CPSF2: variants seen among roughly 807,000 people sequenced by gnomAD.
CPSF2 encodes the protein cleavage and polyadenylation specific factor 2.
CPSF2 carries 51 observed loss-of-function variants against 84.2 expected under a neutral mutation model. That is an observed-to-expected ratio of 0.61 (90% CI 0.48 to 0.77). The LOEUF is 0.77. Ranked by LOEUF, CPSF2 falls within the 30% of genes least tolerant of loss-of-function variation. The pLI is 0.00. For missense variants in CPSF2, 641 were observed against 929.4 expected (o/e 0.69, Z 4.03); for synonymous variants, 286 against 311.9 (o/e 0.92, Z 0.87).
intron 1 of CPSF2, among the ~76,000 whole-genome samples, chr14:92,122,763 T>C (rs7155717): frequency 0.4 from 61,130 of 152,104 alleles, 13,157 homozygotes; most frequent in East Asian, 0.84. Context: ...CAAGTCTGGC[T>C]TCCTGTGACC....
At position 92,156,478 on chromosome 14, in the gene CPSF2, G is replaced by T; in HGVS notation, c.1443-1G>T. On this transcript the variant is annotated splice_acceptor_variant, in intron 11 of 15. Transcript: ENST00000298875. LOFTEE classifies it high-confidence loss of function. The stretch of plus-strand genomic sequence containing the variant: ...CTTCTAATTAGAGACTTATTATTTA[G>T]ACCAGAGGATTTCTTAGTGCCAGAG... 1.9e-6 allele frequency: 3 copies of T among 1,609,622 alleles called. No individual in the cohort carries two copies. In the South Asian group the frequency reaches 3.3e-5, roughly 18 times the overall value.
At chr14:92,131,915 A>G (rs35538169) in intron 3 of CPSF2, among the ~76,000 whole-genome samples, 30,290 of 151,964 alleles carry the variant, frequency 0.2, 3,390 homozygotes, top group East Asian at 0.53. Context: ...GAGGACTTAA[A>G]TATTTAAAAA....
chr14:92,122,631 C>T (rs897672771), intron 1 of CPSF2, among the ~76,000 whole-genome samples: 5 of 152,144 alleles, frequency 3.3e-5, no homozygotes, highest in African/African-American at 1.2e-4. Flanking sequence ...GGTCTTGGGC[C>T]TTCGCGCCCT....
chr14:92,151,264 A>G (rs766393640), intron 9 of CPSF2, among the ~76,000 whole-genome samples: 5 of 152,002 alleles, frequency 3.3e-5, no homozygotes, highest in Admixed American at 6.6e-5. Context: ...GGTGGTGCAC[A>G]TCTGTGGTCG....
At chr14:92,126,473 C>T (rs968541869) in intron 2 of CPSF2, among the ~76,000 whole-genome samples, 6 of 152,252 alleles carry the variant, frequency 3.9e-5, no homozygotes, top group Non-Finnish European at 7.4e-5. Context: ...TATTTATAAA[C>T]GTTTTTCATC....
chr14:92,141,402 ACT>A (rs950398350), intron 7 of CPSF2, among the ~76,000 whole-genome samples: 3 of 151,300 alleles, frequency 2.0e-5, no homozygotes, highest in African/African-American at 4.9e-5. Context: ...CACAATCACG[ACT>A]CTCTGCAGCC....
chr14:92,147,615 CTG>C (rs1305938510), intron 9 of CPSF2, among the ~76,000 whole-genome samples: 1 of 152,100 alleles, frequency 6.6e-6, no homozygotes, highest in Non-Finnish European at 1.5e-5. Context: ...AGGTTGCTAA[CTG>C]TTTTTAAAAA....
intron 7 of CPSF2, among the ~76,000 whole-genome samples, chr14:92,141,915 C>A (rs1437584262): frequency 1.3e-5 from 2 of 152,020 alleles, no homozygotes; most frequent in South Asian, 4.1e-4. Context: ...GTGTTGAGGA[C>A]TACTGATTTA....
intron 11 of CPSF2, 30 bp downstream of exon 11, chr14:92,155,353 T>TA: frequency 6.5e-7 from 1 of 1,539,478 alleles, no homozygotes; most frequent in Non-Finnish European, 9.0e-7. Context: ...TTTTCTCTCT[T>TA]ACAAATTGGA....
rs956993497 is a variant in CPSF2 at position 92,163,639 on chromosome 14, T to C, written c.*1895T>C. The C allele has an allele frequency of 1.3e-5, 2 of 152,610 alleles. No homozygotes were observed. The highest frequency in any genetic ancestry group is 6.6e-5 in the Admixed American group (1 of 15,266). The allele number at this position is 152,610 out of a possible 1,614,324, so 9.5% of individuals were successfully genotyped here. The stretch of plus-strand genomic sequence containing the variant: ...CCTACGTGTTGTGGGAGGGACCCAG[T>C]GGGCAGTAATTTAATCATGGTGGTG... On this transcript the variant is annotated 3_prime_UTR_variant, in exon 16 of 16. Coordinates refer to ENST00000298875, the MANE Select transcript of CPSF2 (RefSeq NM_017437.3).
At position 92,154,566 on chromosome 14, in the gene CPSF2, AT is replaced by A. The variant is rs76043226; in HGVS notation, c.1241+112del. On this transcript the variant is annotated intron_variant, in intron 10 of 15. Transcript: ENST00000298875. ...TATTTTTAAATTTTCGTAAGACTTA[AT>A]TTTGTTACAGACATCTTTCAAATGT... The A allele has an allele frequency of 1.7e-3, 1,193 of 696,930 alleles. 31 individuals carry two copies. The East Asian group carries it at 0.028, about 16-fold the overall frequency. The allele number at this position is 696,930 out of a possible 1,614,324, so 43.2% of individuals were successfully genotyped here.
intron 9 of CPSF2, among the ~76,000 whole-genome samples, chr14:92,151,436 T>TAA (rs201881129): frequency 7.4e-6 from 1 of 135,582 alleles, no homozygotes. Context: ...GTAAGATACA[T>TAA]AAAAAAAAAA....
Position 92,156,471 on chromosome 14 carries a change from T to C in CPSF2, c.1443-8T>C, listed in dbSNP as rs1421910478. ...TTTACTGCTTCTAATTAGAGACTTA[T>C]TATTTAGACCAGAGGATTTCTTAGT... On this transcript the variant is annotated splice_region_variant and splice_polypyrimidine_tract_variant and intron_variant, in intron 11 of 15. Transcript: ENST00000298875. 1 of 1,604,654 alleles carries C rather than the reference T, an allele frequency of 6.2e-7. No homozygotes were observed. The highest frequency in any genetic ancestry group is 1.3e-5 in the African/African-American group (1 of 74,288).
intron 6 of CPSF2, among the ~76,000 whole-genome samples, chr14:92,137,898 GT>G (rs988899228): frequency 1.3e-4 from 19 of 151,986 alleles, no homozygotes; most frequent in African/African-American, 4.6e-4. Context: ...TATCAGCTTT[GT>G]AAAATACATA....
At chr14:92,130,828 C>A in intron 2 of CPSF2, 123 bp from the exon 3 acceptor site, 1 of 602,002 alleles carries the variant, frequency 1.7e-6, no homozygotes, top group South Asian at 2.8e-5. Context: ...GGCCTTTAAA[C>A]TGCTTTTCGT....
chr14:92,158,370 G>A (rs900081563), intron 13 of CPSF2, among the ~76,000 whole-genome samples: 1 of 152,212 alleles, frequency 6.6e-6, no homozygotes, highest in Non-Finnish European at 1.5e-5. Flanking sequence ...GACTAGCACA[G>A]TAGAGAGATA....
intron 2 of CPSF2, among the ~76,000 whole-genome samples, chr14:92,128,259 C>T (rs1461848092): frequency 6.6e-6 from 1 of 151,062 alleles, no homozygotes; most frequent in African/African-American, 2.4e-5. Context: ...AAAAAATGGG[C>T]CAGGTGGATC....
chr14:92,161,370 C>A, intron 15 of CPSF2, 124 bp downstream of exon 15: 1 of 1,135,180 alleles, frequency 8.8e-7, no homozygotes, highest in Non-Finnish European at 1.2e-6. Flanking sequence ...TATTCATGAT[C>A]ATGACCTCAA....
chr14:92,154,842 A>C (rs187217720), intron 10 of CPSF2, among the ~76,000 whole-genome samples: 1 of 152,200 alleles, frequency 6.6e-6, no homozygotes, highest in East Asian at 1.9e-4. Flanking sequence ...TTCCTAGGCT[A>C]CAAACCTGTA....
Sources: gnomAD v4.1 joint callset for allele counts (sites outside exome capture counted in the v4.1 genomes callset) on GRCh38, gnomAD v4.1.1 for gene constraint, MANE v1.5 for transcripts, NCBI Gene and HGNC (gene_info 2026-07-23, HGNC 2026-07-21) for gene names.